Variants in AIG1 observed in about 807,000 individuals in gnomAD.
The protein encoded by AIG1 is androgen-induced gene 1 protein.
In AIG1, 23 loss-of-function variants were observed where a neutral mutation model predicts 31.4. The ratio of observed to expected loss-of-function variants is 0.73; its 90% CI spans 0.53 to 1.04. The LOEUF is 1.04. AIG1 is among the 50% of genes least tolerant of loss of function. The pLI is 0.00. For synonymous variants in AIG1, 100 were observed against 110.5 expected, an observed-to-expected ratio of 0.90 and a Z score of 0.60; for missense variants, 274 against 295.0, an observed-to-expected ratio of 0.93 and a Z score of 0.52.
At chr6:143,237,998 T>G (rs1483155385) in intron 3 of AIG1, among the ~76,000 whole-genome samples, 1 of 152,194 alleles carries the variant, frequency 6.6e-6, no homozygotes, top group Admixed American at 6.5e-5. Flanking sequence ...TGGAGTGCAG[T>G]GGCACGATCT....
chr6:143,213,243 AT>A (rs1293651498), intron 3 of AIG1, among the ~76,000 whole-genome samples: 1 of 152,198 alleles, frequency 6.6e-6, no homozygotes, highest in African/African-American at 2.4e-5. Context: ...ACAAATAATT[AT>A]TGTTAGCTAT....
rs543470289 is a variant in AIG1, at chr6:143,072,732, A to C, written c.141+11666A>C. On this transcript the variant is annotated intron_variant, in intron 1 of 5. Transcript: ENST00000357847. ...ATGGTTTTTCTTGACTTTTTTCCAA[A>C]TTTTTAAAAAATAAATTTCATTGTG... Among the ~76,000 whole-genome samples, 10 of 152,282 alleles carry C rather than the reference A, an allele frequency of 6.6e-5. No individual in the cohort carries two copies. In the East Asian group the frequency reaches 1.7e-3, roughly 26 times the overall value.
chr6:143,234,876 AGCAAAC>A (rs1793695078), intron 3 of AIG1, among the ~76,000 whole-genome samples: 1 of 152,168 alleles, frequency 6.6e-6, no homozygotes, highest in Admixed American at 6.5e-5. Flanking sequence ...ACATAACATG[AGCAAAC>A]GCTACTTGGG....
chr6:143,078,689 A>G (rs1465186380), intron 1 of AIG1, among the ~76,000 whole-genome samples: 2 of 152,092 alleles, frequency 1.3e-5, no homozygotes, highest in South Asian at 2.1e-4. Context: ...CTTATTCACT[A>G]CCTTGAGAAC....
intron 1 of AIG1, among the ~76,000 whole-genome samples, chr6:143,100,414 T>C (rs1475482283): frequency 6.6e-6 from 1 of 152,170 alleles, no homozygotes; most frequent in Non-Finnish European, 1.5e-5. Context: ...ATGCTAAAAA[T>C]AATACTCTTA....
chr6:143,203,816 ATGGC>A (rs1212329380), intron 3 of AIG1, among the ~76,000 whole-genome samples: 4 of 152,216 alleles, frequency 2.6e-5, no homozygotes, highest in African/African-American at 9.6e-5. Context: ...GACAGAAGAC[ATGGC>A]TGGATGATTT....
At chr6:143,194,253 G>A (rs1008758989) in intron 3 of AIG1, among the ~76,000 whole-genome samples, 37 of 152,184 alleles carry the variant, frequency 2.4e-4, no homozygotes, top group African/African-American at 8.9e-4. Context: ...CGGCAGGTGA[G>A]AAAGAGCAAG....
At chr6:143,187,770 G>T (rs958081038) in intron 3 of AIG1, 17 of 1,516,558 alleles carry the variant, frequency 1.1e-5, no homozygotes, top group Admixed American at 2.1e-5. Context: ...GCACAAGAAG[G>T]ACATTTGGAA....
At chr6:143,173,529 G>T (rs1787847744) in intron 3 of AIG1, among the ~76,000 whole-genome samples, 1 of 152,176 alleles carries the variant, frequency 6.6e-6, no homozygotes, top group African/African-American at 2.4e-5. Context: ...TTAATGCTAT[G>T]AACTTTCCTC....
intron 2 of AIG1, 58 bp from the exon 3 acceptor site, chr6:143,165,024 A>C (rs1470024459): frequency 1.5e-6 from 2 of 1,307,504 alleles, no homozygotes; most frequent in Non-Finnish European, 2.2e-6. Context: ...TTAACCAATA[A>C]ATTGTATGTT....
chr6:143,249,181 C>T (rs1794826389), intron 3 of AIG1, among the ~76,000 whole-genome samples: 1 of 152,186 alleles, frequency 6.6e-6, no homozygotes, highest in Non-Finnish European at 1.5e-5. Context: ...AGAAGAAAAT[C>T]CTAAAGCTAC....
chr6:143,098,920 G>A (rs552721973), intron 1 of AIG1, among the ~76,000 whole-genome samples: 48 of 152,196 alleles, frequency 3.2e-4, no homozygotes, highest in Non-Finnish European at 5.9e-4. Context: ...AGTCTATCTG[G>A]GTAGCTGCTA....
chr6:143,150,567 G>T (rs942117189), intron 2 of AIG1, among the ~76,000 whole-genome samples: 4 of 152,146 alleles, frequency 2.6e-5, no homozygotes, highest in Non-Finnish European at 5.9e-5. Context: ...GAAAACTACT[G>T]CCATTGTGGC....
chr6:143,176,250 T>C (rs1406826768), intron 3 of AIG1, among the ~76,000 whole-genome samples: 1 of 152,000 alleles, frequency 6.6e-6, no homozygotes, highest in Non-Finnish European at 1.5e-5. Context: ...TTGGCTGTAT[T>C]TTTGTGCACT....
chr6:143,196,576 G>T (rs1169512091), intron 3 of AIG1, among the ~76,000 whole-genome samples: 1 of 152,196 alleles, frequency 6.6e-6, no homozygotes, highest in Non-Finnish European at 1.5e-5. Context: ...TATCTAAAGA[G>T]ATGAAATTGG....
rs1270797020 is a variant in AIG1, at chr6:143,256,053, C to T, written c.400-28057C>T. On this transcript the variant is annotated intron_variant, in intron 3 of 5. Transcript: ENST00000357847. This position sits in a 1 kb window ranked among gnomAD's most constrained non-coding sequence, Gnocchi z 4.6. ...TGGAGTCTTCCTTTACAAATGGTGG[C>T]TTAGGTGCTTGAGCAAATATATAAA... Among the ~76,000 whole-genome samples the T allele has an allele frequency of 6.6e-6, 1 of 152,030 alleles. No individual in the cohort carries two copies.
intron 3 of AIG1, among the ~76,000 whole-genome samples, chr6:143,282,391 A>G (rs2128678368): frequency 6.6e-6 from 1 of 152,270 alleles, no homozygotes; most frequent in African/African-American, 2.4e-5. Flanking sequence ...GCGTGAATGC[A>G]CCATTGTAAA....
intron 4 of AIG1, among the ~76,000 whole-genome samples, chr6:143,309,509 AAG>A (rs1205910088): frequency 6.7e-6 from 1 of 148,154 alleles, no homozygotes; most frequent in Non-Finnish European, 1.5e-5. Flanking sequence ...GAAGTATTGT[AAG>A]AGAGAAGAAA....
At chr6:143,088,770 C>T (rs1221926569) in intron 1 of AIG1, among the ~76,000 whole-genome samples, 2 of 152,184 alleles carry the variant, frequency 1.3e-5, no homozygotes, top group East Asian at 3.8e-4. Flanking sequence ...AAAGTGAATA[C>T]AGGAAACATG....
Sources: allele counts gnomAD v4.1 joint callset (sites outside exome capture counted in the v4.1 genomes callset), GRCh38; gene constraint gnomAD v4.1.1; non-coding constraint Gnocchi (gnomAD v3.1); transcripts MANE v1.5; gene names NCBI Gene and HGNC (gene_info 2026-07-23, HGNC 2026-07-21).